SPG11: variants seen among roughly 807,000 people sequenced by gnomAD.
The protein encoded by SPG11 is spatacsin.
SPG11 carries 222 observed loss-of-function variants against 274.0 expected under a neutral mutation model. The ratio of observed to expected loss-of-function variants is 0.81; its 90% CI spans 0.73 to 0.91. The LOEUF is 0.91. Ranked by LOEUF, SPG11 falls within the 40% of genes least tolerant of loss-of-function variation. The pLI is 0.00. For missense variants in SPG11, 3,114 were observed against 2,872.7 expected, an observed-to-expected ratio of 1.08 and a Z score of -1.92; for synonymous variants, 1,144 against 1,039.7, an observed-to-expected ratio of 1.10 and a Z score of -1.93.
chr15:44,602,733 C>T (rs971394332), intron 20 of SPG11, among the ~76,000 whole-genome samples: 2 of 152,012 alleles, frequency 1.3e-5, no homozygotes, highest in African/African-American at 4.8e-5. Context: ...CTACCCACCT[C>T]GGCCTCCCAA....
At chr15:44,580,477 A>G (rs1408694447) in intron 30 of SPG11, among the ~76,000 whole-genome samples, 5 of 152,246 alleles carry the variant, frequency 3.3e-5, no homozygotes. Flanking sequence ...AGAGAAAAAA[A>G]GTTTAAAAAA....
Position 44,652,171 on chromosome 15 carries a change from G to A in SPG11, c.965C>T (p.Ala322Val). ...GVDEDDPVNS[A>V]YNMKLAKFSF... ...AAACTTGGCCAGTTTCATGTTGTAG[G>A]CAGAGTTAACAGGATCATCTTCATC... Residue 322 changes from alanine to valine, a missense_variant, in exon 5 of 40, where the codon GCC (alanine) becomes GTC (valine). Ala to Val is a moderately conservative substitution (Grantham distance 64). Coordinates refer to ENST00000261866, the MANE Select transcript of SPG11 (RefSeq NM_025137.4). The A allele has an allele frequency of 6.2e-7, 1 of 1,614,108 alleles. No individual in the cohort carries two copies. Among genetic ancestry groups the A allele is most frequent in the Non-Finnish European group, 8.5e-7 (1 of 1,180,008 alleles).
intron 6 of SPG11, among the ~76,000 whole-genome samples, chr15:44,651,241 A>AAAT (rs758126199): frequency 3.9e-5 from 6 of 152,262 alleles, no homozygotes; most frequent in Non-Finnish European, 7.4e-5. Context: ...TTTGGGTTAA[A>AAAT]AATAATAATA....
intron 7 of SPG11, among the ~76,000 whole-genome samples, chr15:44,639,943 G>A (rs561895483): frequency 6.6e-6 from 1 of 152,308 alleles, no homozygotes; most frequent in Non-Finnish European, 1.5e-5. Context: ...GGGCATGGTG[G>A]CTCATGCCTG....
At chr15:44,644,061 G>A (rs1370348473) in intron 7 of SPG11, among the ~76,000 whole-genome samples, 2 of 151,786 alleles carry the variant, frequency 1.3e-5, no homozygotes, top group South Asian at 2.1e-4. Flanking sequence ...CAGCTACTCA[G>A]GAGGCTGAGG....
At chr15:44,565,740 C>T in intron 38 of SPG11, 114 bp downstream of exon 38, 2 of 1,323,752 alleles carry the variant, frequency 1.5e-6, no homozygotes, top group Non-Finnish European at 2.1e-6. Flanking sequence ...TAAATCAGAA[C>T]TGTACTGTCC....
At chr15:44,652,347 T>C (rs1450442386) in intron 4 of SPG11, 81 bp from the exon 5 acceptor site, 1 of 1,453,326 alleles carries the variant, frequency 6.9e-7, no homozygotes, top group Non-Finnish European at 9.6e-7. Context: ...CTGTTAAAAA[T>C]AAGAGATTAC....
chr15:44,663,344 C>G (rs2085174431), intron 1 of SPG11, 47 bp downstream of exon 1: 1 of 1,585,004 alleles, frequency 6.3e-7, no homozygotes, highest in Non-Finnish European at 8.6e-7. Context: ...TCAGCCGAGC[C>G]TAGGCTCTGG....
intron 28 of SPG11, among the ~76,000 whole-genome samples, chr15:44,588,931 GT>G (rs1161628610): frequency 3.3e-5 from 5 of 152,330 alleles, no homozygotes; most frequent in African/African-American, 1.2e-4. Flanking sequence ...GTCAGTGTAT[GT>G]CTTGATCTGT....
At position 44,659,114 on chromosome 15, in the gene SPG11, C is replaced by G. The variant is rs746691334; in HGVS notation, c.632G>C (p.Gly211Ala). 2 of 1,614,198 alleles carry G rather than the reference C, an allele frequency of 1.2e-6. No individual in the cohort carries two copies. Among genetic ancestry groups the G allele is most frequent in the Non-Finnish European group, 1.7e-6 (2 of 1,180,042 alleles). The change falls in exon 3 of 40, where the codon GGA (glycine) becomes GCA (alanine). Residue 211 changes from glycine (G) to alanine (A), a missense_variant. Physicochemically the swap from Gly to Ala is moderately conservative, Grantham distance 60. Transcript: ENST00000261866. Reference sequence around the variant, plus strand: ...TAAACTACTCAAAACAAAAAGAATTCCTCTGCAGAGCTGCGTGTCAATAAT... The same window carrying G: ...TAAACTACTCAAAACAAAAAGAATTGCTCTGCAGAGCTGCGTGTCAATAAT... Reference protein sequence around the residue: ...DMIIDTQLCRGILFVLSSLGW... With the variant: ...DMIIDTQLCRAILFVLSSLGW...
chr15:44,599,600 CACAAG>C (rs766850424), intron 21 of SPG11, among the ~76,000 whole-genome samples: 16 of 152,154 alleles, frequency 1.1e-4, no homozygotes, highest in Non-Finnish European at 2.4e-4. Context: ...GCTCAGCCCA[CACAAG>C]ACATTATTAA....
rs539251334 is a variant in SPG11 at position 44,632,794 on chromosome 15, A to G, written c.1735+711T>C. Reference sequence around the variant, plus strand: ...AAGTGTTAGGATTACAGGGCGAGCCACTGCATCCCACCAAAAATTCTTATA... The same window carrying G: ...AAGTGTTAGGATTACAGGGCGAGCCGCTGCATCCCACCAAAAATTCTTATA... On this transcript the variant is annotated intron_variant, in intron 8 of 39. Coordinates refer to ENST00000261866, the MANE Select transcript of SPG11 (RefSeq NM_025137.4). Among the ~76,000 whole-genome samples the G allele has an allele frequency of 5.7e-4, 87 of 152,266 alleles. 1 individual carries two copies. Among genetic ancestry groups the G allele is most frequent in the African/African-American group, 2.0e-3 (83 of 41,552 alleles).
chr15:44,611,684 G>A (rs2083462337), intron 17 of SPG11, among the ~76,000 whole-genome samples: 1 of 151,578 alleles, frequency 6.6e-6, no homozygotes, highest in Non-Finnish European at 1.5e-5. Flanking sequence ...ATATATTCAA[G>A]ACTATTATTT....
intron 12 of SPG11, 41 bp downstream of exon 12, chr15:44,622,687 T>G: frequency 6.6e-7 from 1 of 1,507,654 alleles, no homozygotes; most frequent in Non-Finnish European, 9.2e-7. Flanking sequence ...TCACCCAGGC[T>G]TTCTAGAAAA....
chr15:44,649,517 C>T (rs1026632899), intron 6 of SPG11, among the ~76,000 whole-genome samples: 13 of 152,226 alleles, frequency 8.5e-5, no homozygotes, highest in Non-Finnish European at 1.6e-4. Flanking sequence ...CAAGCGTGAG[C>T]CACTGCACCC....
chr15:44,659,323 T>C lies in SPG11; in HGVS notation c.443-20A>G. 1.3e-6 allele frequency: 2 copies of C among 1,587,880 alleles called. No homozygotes were observed. Among genetic ancestry groups the C allele is most frequent in the Non-Finnish European group, 1.7e-6 (2 of 1,156,802 alleles). ...AAATACCTACAAAACAAAAGGATATTATTTCAAACTCATTGGTCACAATTT... is the reference window on the plus strand; with the variant it reads ...AAATACCTACAAAACAAAAGGATATCATTTCAAACTCATTGGTCACAATTT... On this transcript the variant is annotated intron_variant, in intron 2 of 39. Transcript: ENST00000261866.
At chr15:44,656,301 C>T (rs983822924) in intron 4 of SPG11, among the ~76,000 whole-genome samples, 3 of 152,182 alleles carry the variant, frequency 2.0e-5, no homozygotes. Flanking sequence ...TACAAGTACT[C>T]AGCTGTCTGA....
intron 36 of SPG11, among the ~76,000 whole-genome samples, chr15:44,567,169 G>A (rs1295182042): frequency 6.6e-6 from 1 of 151,816 alleles, no homozygotes; most frequent in Admixed American, 6.5e-5. Context: ...GGCCAACATA[G>A]TCAAACCCCA....
chr15:44,573,683 G>A lies in SPG11; in HGVS notation c.6069C>T (p.Ile2023=), dbSNP rs753141662. ...AQDGEAMLRK[I]LASQQPDRCK... is the part of the protein sequence containing the mutation. The stretch of plus-strand genomic sequence containing the variant: ...ATCGGTCAGGCTGCTGAGAGGCCAA[G>A]ATTTTCCGGAGCATGGCTTCACCAT... Residue 2023 remains isoleucine (I), a synonymous_variant, in exon 32 of 40, where the codon ATC becomes ATT. Transcript: ENST00000261866. 1 of 1,614,216 alleles carries A rather than the reference G, an allele frequency of 6.2e-7. No individual in the cohort carries two copies. The highest frequency in any genetic ancestry group is 8.5e-7 in the Non-Finnish European group (1 of 1,180,042).
Sources: allele counts gnomAD v4.1 joint callset (sites outside exome capture counted in the v4.1 genomes callset), GRCh38; gene constraint gnomAD v4.1.1; transcripts MANE v1.5; gene names NCBI Gene and HGNC (gene_info 2026-07-23, HGNC 2026-07-21).